The following CA10 variants were observed in gnomAD, a reference collection of about 807,000 sequenced individuals.
CA10 encodes the protein carbonic anhydrase-related protein 10.
In CA10, 14 loss-of-function variants were observed where a neutral mutation model predicts 44.2. That is an observed-to-expected ratio of 0.32 (90% CI 0.21 to 0.50). The LOEUF is 0.50. Among genes scored for constraint, CA10 ranks in the 20% least tolerant of loss-of-function variants. The pLI, the probability that CA10 is intolerant of heterozygous loss-of-function variation, is 0.99. For missense variants in CA10, 350 were observed against 409.7 expected, an observed-to-expected ratio of 0.85 and a Z score of 1.26; for synonymous variants, 159 against 141.6, an observed-to-expected ratio of 1.12 and a Z score of -0.87.
At chr17:51,877,848 A>T (rs1980147395) in intron 3 of CA10, among the ~76,000 whole-genome samples, 1 of 152,206 alleles carries the variant, frequency 6.6e-6, no homozygotes, top group Admixed American at 6.5e-5. Flanking sequence ...GAGGTATAAA[A>T]ACACAGTGAT....
At chr17:51,931,180 G>C in intron 2 of CA10, 48 bp from the exon 3 acceptor site, 1 of 1,583,232 alleles carries the variant, frequency 6.3e-7, no homozygotes, top group South Asian at 1.1e-5. Context: ...GCAGGTTGGG[G>C]AAACAACATA....
intron 4 of CA10, among the ~76,000 whole-genome samples, chr17:51,676,335 A>G (rs890781304): frequency 2.6e-5 from 4 of 152,190 alleles, no homozygotes; most frequent in African/African-American, 9.6e-5. Context: ...AGTTCAAGTC[A>G]TCTTTGGGAA....
chr17:51,680,804 TAA>T (rs2143389283), intron 4 of CA10, among the ~76,000 whole-genome samples: 1 of 152,160 alleles, frequency 6.6e-6, no homozygotes, highest in South Asian at 2.1e-4. Flanking sequence ...GTTGAGAAAT[TAA>T]AAGACTTGGA....
chr17:51,794,631 TTCAACATCA>T (rs1267210324), intron 3 of CA10, among the ~76,000 whole-genome samples: 5 of 152,242 alleles, frequency 3.3e-5, no homozygotes, highest in African/African-American at 1.2e-4. Flanking sequence ...ACATATAACA[TTCAACATCA>T]TCAATTTCCT....
chr17:51,988,169 T>G (rs1392509213), intron 2 of CA10, among the ~76,000 whole-genome samples: 4 of 152,062 alleles, frequency 2.6e-5, no homozygotes, highest in African/African-American at 9.7e-5. Context: ...GGATTAGTTG[T>G]AAATGTATTT....
intron 4 of CA10, among the ~76,000 whole-genome samples, chr17:51,707,669 A>ATATG: frequency 2.5e-5 from 1 of 39,824 alleles, no homozygotes; most frequent in Middle Eastern, 0.011. Flanking sequence ...AAGTGGATGA[A>ATATG]TATGTGTGTG....
chr17:52,069,995 T>C (rs571627078), intron 2 of CA10, among the ~76,000 whole-genome samples: 40 of 152,316 alleles, frequency 2.6e-4, no homozygotes, highest in Non-Finnish European at 5.0e-4. Context: ...AAGGGGTCCA[T>C]TGTTTGCCAC....
intron 4 of CA10, among the ~76,000 whole-genome samples, chr17:51,718,923 A>C (rs1916267218): frequency 6.6e-6 from 1 of 152,198 alleles, no homozygotes; most frequent in South Asian, 2.1e-4. Context: ...TCCATATCTC[A>C]TACTACTGCC....
chr17:51,837,218 G>T (rs1439453932), intron 3 of CA10, among the ~76,000 whole-genome samples: 1 of 152,086 alleles, frequency 6.6e-6, no homozygotes, highest in African/African-American at 2.4e-5. Context: ...GATCCTGAAG[G>T]CAAAACTGAG....
chr17:52,094,363 A>T (rs1298727385), intron 1 of CA10, among the ~76,000 whole-genome samples: 2 of 152,102 alleles, frequency 1.3e-5, no homozygotes, highest in Non-Finnish European at 2.9e-5. Context: ...CACACTAAAC[A>T]ATAAAGTTTC....
At chr17:51,729,335 T>A (rs941747387) in intron 4 of CA10, among the ~76,000 whole-genome samples, 3 of 151,926 alleles carry the variant, frequency 2.0e-5, no homozygotes, top group African/African-American at 7.2e-5. Context: ...ATGCTTAAAC[T>A]TTTTTGTGTG....
chr17:52,072,924 C>T (rs959640982), intron 1 of CA10, among the ~76,000 whole-genome samples: 7 of 152,060 alleles, frequency 4.6e-5, no homozygotes, highest in Admixed American at 3.9e-4. Flanking sequence ...TTTTTGACAT[C>T]ACAGGCAAAA....
chr17:52,025,637 T>C (rs1214955135), intron 2 of CA10, among the ~76,000 whole-genome samples: 1 of 152,086 alleles, frequency 6.6e-6, no homozygotes, highest in Non-Finnish European at 1.5e-5. Context: ...GTAAAGCACC[T>C]AGATAGAAAA....
At chr17:52,108,194 T>A (rs2938138) in intron 1 of CA10, among the ~76,000 whole-genome samples, 14,040 of 56,592 alleles carry the variant, frequency 0.25, 951 homozygotes, top group South Asian at 0.3. Context: ...TATATATTTT[T>A]TATATATATA....
chr17:51,735,152 TATGG>T (rs1336157708), intron 4 of CA10, among the ~76,000 whole-genome samples: 3 of 152,136 alleles, frequency 2.0e-5, no homozygotes, highest in Admixed American at 6.5e-5. Flanking sequence ...TCTTGTTAGA[TATGG>T]ATGGAGGATA....
At chr17:51,921,874 T>TC (rs761648982) in intron 3 of CA10, among the ~76,000 whole-genome samples, 4 of 152,212 alleles carry the variant, frequency 2.6e-5, no homozygotes, top group Non-Finnish European at 5.9e-5. Flanking sequence ...AAGTTTTATC[T>TC]TTATGCCTTT....
intron 3 of CA10, among the ~76,000 whole-genome samples, chr17:51,863,062 T>A (rs1167758140): frequency 1.3e-5 from 2 of 152,162 alleles, no homozygotes; most frequent in East Asian, 3.9e-4. Flanking sequence ...TTGGGTAAAT[T>A]GTATACACCC....
rs11441373 is a variant in CA10, at chr17:51,774,445, CT to C, written c.280-26628del. 2.1e-3 allele frequency among the ~76,000 whole-genome samples: 300 copies of C among 146,242 alleles called. 1 individual carries two copies. Among genetic ancestry groups the C allele is most frequent in the African/African-American group, 5.7e-3 (227 of 39,796 alleles). On this transcript the variant is annotated intron_variant, in intron 3 of 8. Coordinates refer to ENST00000451037, the MANE Select transcript of CA10 (RefSeq NM_020178.5). Reference sequence around the variant, plus strand: ...GTGGAAACCTTGCTTCATTTAAGGTCTTTTTTTTTTTTGAGGTGGAGTCTCG... The same window carrying C: ...GTGGAAACCTTGCTTCATTTAAGGTCTTTTTTTTTTTGAGGTGGAGTCTCG...
At chr17:51,684,689 A>T (rs1914951808) in intron 4 of CA10, among the ~76,000 whole-genome samples, 1 of 152,192 alleles carries the variant, frequency 6.6e-6, no homozygotes, top group Admixed American at 6.5e-5. Flanking sequence ...TCACTATGAG[A>T]TTGGAAACTT....
Sources: gnomAD v4.1 joint callset for allele counts (sites outside exome capture counted in the v4.1 genomes callset) on GRCh38, gnomAD v4.1.1 for gene constraint, MANE v1.5 for transcripts, NCBI Gene and HGNC (gene_info 2026-07-23, HGNC 2026-07-21) for gene names.